GATAD2A: variants seen among roughly 807,000 people sequenced by gnomAD.
The protein encoded by GATAD2A is transcriptional repressor p66-alpha.
In GATAD2A, 12 loss-of-function variants were observed where a neutral mutation model predicts 68.5. That is an observed-to-expected ratio of 0.18 (90% CI 0.11 to 0.28). The LOEUF is 0.28. Ranked by LOEUF, GATAD2A falls within the 10% of genes least tolerant of loss-of-function variation. GATAD2A has a pLI of 1.00. For missense variants in GATAD2A, 755 were observed against 868.5 expected (o/e 0.87, Z 1.64); for synonymous variants, 410 against 375.3 (o/e 1.09, Z -1.07).
chr19:19,445,814 C>T (rs538119503), intron 1 of GATAD2A, among the ~76,000 whole-genome samples: 1 of 152,306 alleles, frequency 6.6e-6, no homozygotes, highest in South Asian at 2.1e-4. Context: ...ATCCATTCAT[C>T]CATTGATGGA....
At chr19:19,435,018 A>G (rs762873739) in intron 1 of GATAD2A, 5 of 486,840 alleles carry the variant, frequency 1.0e-5, no homozygotes, top group Admixed American at 2.1e-5. Flanking sequence ...GATGGTGAGG[A>G]GGTTACATTG....
intron 1 of GATAD2A, among the ~76,000 whole-genome samples, chr19:19,444,514 G>A (rs1390171626): frequency 6.6e-6 from 1 of 152,162 alleles, no homozygotes; most frequent in African/African-American, 2.4e-5. Flanking sequence ...ACTTAAGCAG[G>A]TATTTGGACA....
chr19:19,436,867 A>G (rs1477479757), intron 1 of GATAD2A, among the ~76,000 whole-genome samples: 1 of 152,218 alleles, frequency 6.6e-6, no homozygotes, highest in African/African-American at 2.4e-5. Context: ...GCTCCGTTTT[A>G]TAGATGGGGA....
intron 1 of GATAD2A, among the ~76,000 whole-genome samples, chr19:19,462,992 G>A (rs774189344): frequency 3.3e-5 from 5 of 152,146 alleles, no homozygotes; most frequent in South Asian, 4.1e-4. Flanking sequence ...ACAGGGAAGG[G>A]TGCTATGTCC....
intron 1 of GATAD2A, among the ~76,000 whole-genome samples, chr19:19,420,898 A>G (rs2052341776): frequency 6.6e-6 from 1 of 152,196 alleles, no homozygotes; most frequent in South Asian, 2.1e-4. Flanking sequence ...GGCACCAAAT[A>G]AAGAATTCAG....
intron 1 of GATAD2A, among the ~76,000 whole-genome samples, chr19:19,447,197 C>CA (rs2055829157): frequency 6.6e-6 from 1 of 152,124 alleles, no homozygotes; most frequent in Non-Finnish European, 1.5e-5. Flanking sequence ...AAGCGTTTCT[C>CA]ACTTTGCATT....
At chr19:19,436,930 G>A (rs1238159869) in intron 1 of GATAD2A, among the ~76,000 whole-genome samples, 2 of 152,160 alleles carry the variant, frequency 1.3e-5, no homozygotes, top group South Asian at 2.1e-4. Flanking sequence ...ATGCCCCATC[G>A]AACAGGATCT....
In GATAD2A at chr19:19,492,584, A is replaced by G. The variant is rs777176118; in HGVS notation, c.406A>G (p.Ser136Gly). The stretch of plus-strand genomic sequence containing the variant: ...CCTGTTCCTCTCGCCCCTGCAGAAA[A>G]GCAGTCCTGAAGAACGAGAAAGGAT... ...KETSTEALMKSSPEERERMIK... is the reference protein window; with the variant it reads ...KETSTEALMKGSPEERERMIK... Residue 136 changes from serine to glycine, a missense_variant, in exon 4 of 12, where the codon AGC becomes GGC. Physicochemically the swap from Ser to Gly is moderately conservative, Grantham distance 56. Coordinates refer to ENST00000683918, the MANE Select transcript of GATAD2A (RefSeq NM_001384528.1). 3.1e-6 allele frequency: 5 copies of G among 1,614,246 alleles called. No homozygotes were observed. Among genetic ancestry groups the G allele is most frequent in the South Asian group, 1.1e-5 (1 of 91,088 alleles).
At chr19:19,464,906 G>A (rs1456777357) in intron 1 of GATAD2A, 1 of 255,398 alleles carries the variant, frequency 3.9e-6, no homozygotes, top group African/African-American at 2.2e-5. Flanking sequence ...CCTGCTCCTG[G>A]AACAGTGCAG....
At chr19:19,432,876 G>A (rs1033399028) in intron 1 of GATAD2A, among the ~76,000 whole-genome samples, 1 of 152,158 alleles carries the variant, frequency 6.6e-6, no homozygotes, top group Admixed American at 6.5e-5. Flanking sequence ...TTGAGTCCAC[G>A]AGTGAAAGCA....
In GATAD2A at chr19:19,492,786, A is replaced by G. The variant is rs1159543935; in HGVS notation, c.534+74A>G. On this transcript the variant is annotated intron_variant, in intron 4 of 11. Transcript: ENST00000683918. ...TTGCCTTGATCCCCTCATCAATGTCAGCGGCCAGAAAGGTGAAAGGGCTTC... is the reference window on the plus strand; with the variant it reads ...TTGCCTTGATCCCCTCATCAATGTCGGCGGCCAGAAAGGTGAAAGGGCTTC... The G allele has an allele frequency of 2.0e-6, 3 of 1,511,020 alleles. No homozygotes were observed. The Admixed American group carries it at 5.3e-5, about 27-fold the overall frequency. The allele number at this position is 1,511,020 out of a possible 1,614,324, so 93.6% of individuals were successfully genotyped here. A position where few individuals can be genotyped will look rare whatever the true frequency, so the allele number is the denominator to read the frequency against.
intron 1 of GATAD2A, among the ~76,000 whole-genome samples, chr19:19,392,424 G>A (rs1406814948): frequency 6.9e-6 from 1 of 145,904 alleles, no homozygotes; most frequent in African/African-American, 2.6e-5. Flanking sequence ...ACAGAGTCTC[G>A]CTCTGTCACC....
At chr19:19,502,580 C>T in intron 11 of GATAD2A, 54 bp downstream of exon 11, 7 of 1,362,014 alleles carry the variant, frequency 5.1e-6, no homozygotes, top group Non-Finnish European at 7.1e-6. Flanking sequence ...GGGGTTCACC[C>T]TTCCTTAACC....
rs373702945 is a variant in GATAD2A, at chr19:19,421,383, A to ACTGTCCCTTCGC, written c.-7+15371_-7+15382dup. Among the ~76,000 whole-genome samples, 1,137 of 152,212 alleles carry ACTGTCCCTTCGC rather than the reference A, an allele frequency of 7.5e-3. 15 individuals are homozygous for ACTGTCCCTTCGC. The highest frequency in any genetic ancestry group is 0.025 in the African/African-American group (1,047 of 41,516). On this transcript the variant is annotated intron_variant, in intron 1 of 11. Transcript: ENST00000683918. Reference sequence around the variant, plus strand: ...CCCCTCCTCACCCCTTCTGGCCTGTACTGTCCCTTCGCCTGTCCATACCAG... The same window carrying ACTGTCCCTTCGC: ...CCCCTCCTCACCCCTTCTGGCCTGTACTGTCCCTTCGCCTGTCCCTTCGCCTGTCCATACCAG...
chr19:19,463,780 A>AC lies in GATAD2A; in HGVS notation c.-6-1556dup, dbSNP rs553920461. Among the ~76,000 whole-genome samples the AC allele has an allele frequency of 6.6e-4, 100 of 151,998 alleles. 1 individual carries two copies. Among genetic ancestry groups the AC allele is most frequent in the Non-Finnish European group, 1.1e-3 (75 of 67,946 alleles). ...CCAGGGATTTCCTGGCCTTGAGGAG[A>AC]CCCCAGTGTTTCAAGCCGGTGCCCG... is the stretch of plus-strand genomic sequence containing the variant. On this transcript the variant is annotated intron_variant, in intron 1 of 11. Transcript: ENST00000683918.
intron 10 of GATAD2A, 42 bp from the exon 11 acceptor site, chr19:19,502,289 C>G (rs1235387744): frequency 8.8e-6 from 13 of 1,476,612 alleles, no homozygotes; most frequent in Non-Finnish European, 1.1e-5. Context: ...CTGCTGCTGT[C>G]TTTTCCCTGC....
Position 19,408,788 on chromosome 19 carries a change from T to C in GATAD2A, c.-7+2769T>C, listed in dbSNP as rs185059439. Among the ~76,000 whole-genome samples the C allele has an allele frequency of 1.1e-3, 171 of 152,156 alleles. 1 individual carries two copies. The highest frequency in any genetic ancestry group is 0.011 in the Admixed American group (166 of 15,266). ...ATTAATCTTATAAACATGGGGAAAC[T>C]TACAGGGATCAAGGAGAGAAGGACA... On this transcript the variant is annotated intron_variant, in intron 1 of 11. Transcript: ENST00000683918.
chr19:19,470,979 G>A lies in GATAD2A; in HGVS notation c.269+5365G>A, dbSNP rs540985438. On this transcript the variant is annotated intron_variant, in intron 2 of 11. Transcript: ENST00000683918. ...TGGTCGAAAAGTAGAAGCAGGGCCA[G>A]GCACAGTGGCTCACGCCTGTAATCC... is the stretch of plus-strand genomic sequence containing the variant. 1.6e-3 allele frequency among the ~76,000 whole-genome samples: 243 copies of A among 152,338 alleles called. 2 individuals carry two copies. The highest frequency in any genetic ancestry group is 5.8e-3 in the Admixed American group (88 of 15,302).
intron 8 of GATAD2A, among the ~76,000 whole-genome samples, chr19:19,499,160 A>G (rs1490728148): frequency 6.6e-6 from 1 of 151,792 alleles, no homozygotes; most frequent in Non-Finnish European, 1.5e-5. Context: ...GCAGGCTCGC[A>G]TGATCACCCT....
Sources: gnomAD v4.1 joint callset for allele counts (sites outside exome capture counted in the v4.1 genomes callset) on GRCh38, gnomAD v4.1.1 for gene constraint, MANE v1.5 for transcripts, NCBI Gene and HGNC (gene_info 2026-07-23, HGNC 2026-07-21) for gene names.